TBC1D5: variants seen among roughly 807,000 people sequenced by gnomAD.
The protein encoded by TBC1D5 is TBC1 domain family member 5.
Under a neutral mutation model 100.3 loss-of-function variants are expected in TBC1D5, and 75 were observed. The ratio of observed to expected loss-of-function variants is 0.75; its 90% CI spans 0.62 to 0.91. The LOEUF is 0.91. TBC1D5 is among the 40% of genes least tolerant of loss of function. The pLI, the probability that TBC1D5 is intolerant of heterozygous loss-of-function variation, is 0.00. For synonymous variants in TBC1D5, 323 were observed against 325.6 expected (o/e 0.99, Z 0.09); for missense variants, 910 against 942.4 (o/e 0.97, Z 0.45).
chr3:17,288,846 G>A (rs1307811197), intron 15 of TBC1D5, among the ~76,000 whole-genome samples: 3 of 152,142 alleles, frequency 2.0e-5, no homozygotes, highest in Admixed American at 6.5e-5. Flanking sequence ...AACAACTGTG[G>A]TCCTCTACCC....
chr3:17,193,990 A>AT (rs1207570516), intron 18 of TBC1D5, among the ~76,000 whole-genome samples: 1 of 152,090 alleles, frequency 6.6e-6, no homozygotes, highest in Non-Finnish European at 1.5e-5. Context: ...ATTAATATCA[A>AT]TTTTTTCGAT....
At chr3:17,604,536 G>A (rs374647696) in intron 2 of TBC1D5, among the ~76,000 whole-genome samples, 9 of 151,980 alleles carry the variant, frequency 5.9e-5, no homozygotes, top group East Asian at 3.9e-4. Flanking sequence ...AAATTATTGC[G>A]CATATTTTCT....
intron 2 of TBC1D5, among the ~76,000 whole-genome samples, chr3:17,540,126 C>T (rs1375941066): frequency 6.6e-6 from 1 of 152,182 alleles, no homozygotes; most frequent in Non-Finnish European, 1.5e-5. Flanking sequence ...TACCAATTGC[C>T]ATTTGTATAT....
At chr3:17,510,521 G>A (rs954571209) in intron 2 of TBC1D5, among the ~76,000 whole-genome samples, 2 of 151,948 alleles carry the variant, frequency 1.3e-5, no homozygotes, top group Non-Finnish European at 2.9e-5. Flanking sequence ...TTGCTTATGT[G>A]TGCCAATCAG....
intron 15 of TBC1D5, among the ~76,000 whole-genome samples, chr3:17,286,165 A>G (rs1327415953): frequency 6.6e-6 from 1 of 152,238 alleles, no homozygotes; most frequent in African/African-American, 2.4e-5. Context: ...CAACACAAAT[A>G]AGAGAACACC....
At chr3:17,428,396 T>TGC (rs1491222715) in intron 4 of TBC1D5, 54 bp downstream of exon 4, 3 of 94,020 alleles carry the variant, frequency 3.2e-5, no homozygotes, top group African/African-American at 1.9e-4. Flanking sequence ...TAATATTATA[T>TGC]GTGTGTGTGT....
At chr3:17,377,708 T>C (rs2092766536) in intron 9 of TBC1D5, among the ~76,000 whole-genome samples, 2 of 152,144 alleles carry the variant, frequency 1.3e-5, no homozygotes, top group Admixed American at 1.3e-4. Context: ...TACTGTACTA[T>C]TCTTAGAAAG....
At chr3:17,318,073 C>T (rs748806896) in intron 13 of TBC1D5, among the ~76,000 whole-genome samples, 5 of 152,028 alleles carry the variant, frequency 3.3e-5, no homozygotes, top group Middle Eastern at 3.4e-3. Flanking sequence ...TCATGTCCTT[C>T]GTAGGGACAG....
At position 17,185,106 on chromosome 3, in the gene TBC1D5, T is replaced by G. The variant is rs1051528529; in HGVS notation, c.1852+3A>C. On this transcript the variant is annotated splice_donor_region_variant and intron_variant, in intron 19 of 21. Coordinates refer to ENST00000253692, the Ensembl canonical transcript of TBC1D5. The stretch of plus-strand genomic sequence containing the variant: ...GTTCCCAGGGCCAAAGTAATTCACT[T>G]ACCAAGATGAGTGTCCATCACCTTT... 4 of 1,610,518 alleles carry G rather than the reference T, an allele frequency of 2.5e-6. No homozygotes were observed. The African/African-American group carries it at 5.3e-5, about 22-fold the overall frequency.
At chr3:17,559,651 G>A (rs922369620) in intron 2 of TBC1D5, among the ~76,000 whole-genome samples, 4 of 150,984 alleles carry the variant, frequency 2.6e-5, no homozygotes, top group Admixed American at 6.6e-5. Flanking sequence ...GTGCAACGGC[G>A]CGATCTCGGC....
In TBC1D5 at chr3:17,257,266, A is replaced by G. The variant is rs192319736; in HGVS notation, c.1331+1240T>C. Among the ~76,000 whole-genome samples, 378 of 152,336 alleles carry G rather than the reference A, an allele frequency of 2.5e-3. 1 individual carries two copies. The highest frequency in any genetic ancestry group is 4.3e-3 in the Non-Finnish European group (291 of 68,024). Reference sequence around the variant, plus strand: ...ACTAACATACTTTGTTCTTTTAAACATAACAAAACTAAATATCTGACATAA... The same window carrying G: ...ACTAACATACTTTGTTCTTTTAAACGTAACAAAACTAAATATCTGACATAA... On this transcript the variant is annotated intron_variant, in intron 16 of 21. Coordinates refer to ENST00000253692, the Ensembl canonical transcript of TBC1D5.
chr3:17,699,846 C>T (rs1236412625), intron 1 of TBC1D5: 1 of 151,568 alleles, frequency 6.6e-6, no homozygotes, highest in African/African-American at 2.4e-5. Flanking sequence ...GTTTTCTCAT[C>T]TATTCTGGTG....
intron 1 of TBC1D5, among the ~76,000 whole-genome samples, chr3:17,676,644 A>G (rs1227389017): frequency 2.6e-5 from 4 of 152,226 alleles, no homozygotes; most frequent in African/African-American, 7.2e-5. Context: ...AGAATTGGAA[A>G]AAACTACTTT....
chr3:17,168,406 T>A (rs890582970), intron 19 of TBC1D5, among the ~76,000 whole-genome samples: 1 of 152,190 alleles, frequency 6.6e-6, no homozygotes, highest in Admixed American at 6.5e-5. Context: ...AGCCGCCACA[T>A]GAGAAGTCTT....
intron 15 of TBC1D5, among the ~76,000 whole-genome samples, chr3:17,282,214 G>A (rs929499576): frequency 4.4e-4 from 67 of 152,208 alleles, no homozygotes; most frequent in African/African-American, 1.3e-3. Context: ...GCAAGTCGGC[G>A]GTAAAGGAGG....
intron 2 of TBC1D5, among the ~76,000 whole-genome samples, chr3:17,530,134 C>T (rs931074749): frequency 2.2e-4 from 33 of 150,748 alleles, no homozygotes; most frequent in Non-Finnish European, 3.8e-4. Flanking sequence ...GTCCCAGCTA[C>T]TTGGGAGGCT....
chr3:17,705,741 G>A (rs1437047384), intron 1 of TBC1D5, among the ~76,000 whole-genome samples: 12 of 140,546 alleles, frequency 8.5e-5, no homozygotes, highest in Admixed American at 2.1e-4. Context: ...GCGGCCGGGC[G>A]GAGACGCTCC....
rs557644981 is a variant in TBC1D5 at position 17,350,903 on chromosome 3, C to T, written c.995+21172G>A. Among the ~76,000 whole-genome samples the T allele has an allele frequency of 2.6e-5, 4 of 152,266 alleles. No homozygotes were observed. In the South Asian group the frequency reaches 8.3e-4, roughly 32 times the overall value. On this transcript the variant is annotated intron_variant, in intron 13 of 21. Coordinates refer to ENST00000253692, the Ensembl canonical transcript of TBC1D5. ...CAGATACAATCATGCAGTAACACCA[C>T]AAGCTCCTGCTTCACAAATTGCTCA...
At chr3:17,563,072 G>C (rs2096569994) in intron 2 of TBC1D5, among the ~76,000 whole-genome samples, 1 of 152,190 alleles carries the variant, frequency 6.6e-6, no homozygotes, top group East Asian at 1.9e-4. Flanking sequence ...TAAATGATGA[G>C]GGGATATTTG....
Sources: allele counts gnomAD v4.1 joint callset (sites outside exome capture counted in the v4.1 genomes callset), GRCh38; gene constraint gnomAD v4.1.1; transcripts MANE v1.5; gene names NCBI Gene and HGNC (gene_info 2026-07-23, HGNC 2026-07-21).